Variants in NPIPB11 observed in about 807,000 individuals in gnomAD.
The protein encoded by NPIPB11 is nuclear pore complex interacting protein family member B11, also known as nuclear pore complex-interacting protein family member B11.
NPIPB11 carries 17 observed loss-of-function variants against 32.8 expected under a neutral mutation model. That is an observed-to-expected ratio of 0.52 (90% CI 0.35 to 0.78). The LOEUF (loss-of-function observed/expected upper bound fraction) is 0.78. NPIPB11 is among the 30% of genes least tolerant of loss of function. The probability of loss-of-function intolerance (pLI) is 0.01; values close to 1 mark genes in which losing one functional copy is unlikely to be tolerated. For synonymous variants in NPIPB11, 209 were observed against 398.4 expected (o/e 0.52, Z 5.66); for missense variants, 537 against 1,000.4 (o/e 0.54, Z 6.25).
chr16:29,393,335 T>C (rs1963767810), intron 3 of NPIPB11, among the ~76,000 whole-genome samples: 1 of 151,448 alleles, frequency 6.6e-6, no homozygotes, highest in African/African-American at 2.4e-5. Context: ...AGAGGAACTT[T>C]GTCTCAGGCC....
chr16:29,406,521 C>A (rs1243101919), upstream of NPIPB11, among the ~76,000 whole-genome samples: 1 of 152,140 alleles, frequency 6.6e-6, no homozygotes, highest in Admixed American at 6.5e-5. Context: ...AGTTCCAGAC[C>A]AGCCTAATAG....
At chr16:29,405,737 C>A (rs1567278018), upstream of NPIPB11, among the ~76,000 whole-genome samples, 1 of 152,108 alleles carries the variant, frequency 6.6e-6, no homozygotes, top group Non-Finnish European at 1.5e-5. Flanking sequence ...CAACAATGTT[C>A]TTGTTTCAAG....
intron 2 of NPIPB11, chr16:29,397,634 C>A (rs112165220): frequency 2.1e-6 from 3 of 1,449,772 alleles, no homozygotes; most frequent in Non-Finnish European, 2.8e-6. Flanking sequence ...GCATCCACCG[C>A]CCCCGCATGT....
Position 29,383,171 on chromosome 16 carries a change from C to A in NPIPB11, c.1761G>T (p.Leu587=), listed in dbSNP as rs117441628. 301 of 1,590,284 alleles carry A rather than the reference C, an allele frequency of 1.9e-4. 1 individual carries two copies. In the East Asian group the frequency reaches 6.2e-3, roughly 33 times the overall value. ...TCCGCTGAGGGTGGAAGCGGAACTG[C>A]AGATGCTCGGCAGGTGTCTTGATAT... Residue 587 remains leucine (L), a synonymous_variant, in exon 8 of 8, where the codon CTG becomes CTT. Transcript: ENST00000524087.
upstream of NPIPB11, among the ~76,000 whole-genome samples, chr16:29,404,519 T>C (rs1964068495): frequency 9.6e-6 from 1 of 104,602 alleles, no homozygotes; most frequent in Non-Finnish European, 2.0e-5. Context: ...TTAGCTGTGA[T>C]GATCTCCTTC....
exon 3 of NPIPB11, chr16:29,394,003 A>T: frequency 1.9e-6 from 3 of 1,599,512 alleles, no homozygotes; most frequent in Non-Finnish European, 2.5e-6. Flanking sequence ...CGGAAACGCA[A>T]TAATAATATG....
chr16:29,397,624 G>C, intron 2 of NPIPB11: 1 of 1,464,780 alleles, frequency 6.8e-7, no homozygotes, highest in Non-Finnish European at 9.3e-7. Context: ...AGCCAAAAGA[G>C]CATCCACCGC....
intron 3 of NPIPB11, among the ~76,000 whole-genome samples, chr16:29,393,450 C>G (rs965033761): frequency 2.0e-5 from 3 of 152,108 alleles, no homozygotes; most frequent in African/African-American, 4.8e-5. Context: ...GAAGAGGGTG[C>G]TCTTTAAGCA....
At chr16:29,382,314 A>G in exon 8 of NPIPB11, 2 of 1,579,702 alleles carry the variant, frequency 1.3e-6, no homozygotes, top group Non-Finnish European at 1.7e-6. Flanking sequence ...GTGTCTTGAT[A>G]TTATCATCTG....
At chr16:29,397,708 G>A (rs1963894145) in intron 2 of NPIPB11, 9 of 568,772 alleles carry the variant, frequency 1.6e-5, no homozygotes, top group South Asian at 9.1e-5. Context: ...AGGGCAGGGG[G>A]GAGGGAAGGG....
chr16:29,390,449 G>A, intron 3 of NPIPB11, 101 bp from the exon 4 acceptor site: 1 of 1,567,670 alleles, frequency 6.4e-7, no homozygotes, highest in Non-Finnish European at 8.7e-7. Flanking sequence ...GGGGTCAGGA[G>A]CAAGACCAGC....
intron 2 of NPIPB11, among the ~76,000 whole-genome samples, chr16:29,397,037 A>G (rs993194470): frequency 6.6e-6 from 1 of 151,528 alleles, no homozygotes; most frequent in African/African-American, 2.4e-5. Flanking sequence ...TACAAAAATT[A>G]GCCAGGCGTT....
At chr16:29,400,971 G>T (rs531003109) in intron 2 of NPIPB11, among the ~76,000 whole-genome samples, 3 of 152,036 alleles carry the variant, frequency 2.0e-5, no homozygotes, top group African/African-American at 4.8e-5. Flanking sequence ...GTACAGGCTC[G>T]CACCTGGGGC....
At chr16:29,402,762 G>A (rs1173376439) in intron 2 of NPIPB11, among the ~76,000 whole-genome samples, 1 of 144,100 alleles carries the variant, frequency 6.9e-6, no homozygotes, top group African/African-American at 2.7e-5. Flanking sequence ...GTGTGTGTGT[G>A]TGTATCTCTA....
chr16:29,399,723 C>T (rs1288844338), intron 2 of NPIPB11, among the ~76,000 whole-genome samples: 1 of 151,380 alleles, frequency 6.6e-6, no homozygotes, highest in African/African-American at 2.4e-5. Context: ...TACAAACAAA[C>T]AAAAAACAGG....
At chr16:29,406,564 A>C (rs1463836288), upstream of NPIPB11, among the ~76,000 whole-genome samples, 1 of 152,226 alleles carries the variant, frequency 6.6e-6, no homozygotes, top group African/African-American at 2.4e-5. Context: ...AAATACAAAA[A>C]TTAGCCATGC....
At chr16:29,402,720 CTCTCTGTGTG>C (rs1463060989) in intron 2 of NPIPB11, among the ~76,000 whole-genome samples, 1 of 117,060 alleles carries the variant, frequency 8.5e-6, no homozygotes, top group Non-Finnish European at 1.8e-5. Context: ...CTCTCTCTCT[CTCTCTGTGTG>C]TGTGTGTGTG....
chr16:29,397,068 G>A (rs909948740), intron 2 of NPIPB11, among the ~76,000 whole-genome samples: 1 of 150,936 alleles, frequency 6.6e-6, no homozygotes, highest in South Asian at 2.1e-4. Context: ...CTACTCAGGA[G>A]GCTGAGGCAG....
chr16:29,402,720 CTCTCTGTGTGTG>C (rs1964022779), intron 2 of NPIPB11, among the ~76,000 whole-genome samples: 1 of 117,062 alleles, frequency 8.5e-6, no homozygotes, highest in African/African-American at 3.6e-5. Context: ...CTCTCTCTCT[CTCTCTGTGTGTG>C]TGTGTGTGTG....
Sources: gnomAD v4.1 joint callset for allele counts (sites outside exome capture counted in the v4.1 genomes callset) on GRCh38, gnomAD v4.1.1 for gene constraint, MANE v1.5 for transcripts, NCBI Gene and HGNC (gene_info 2026-07-23, HGNC 2026-07-21) for gene names.